KBTBD12: variants seen among roughly 807,000 people sequenced by gnomAD.
KBTBD12 encodes the protein kelch repeat and BTB domain containing 12.
Under a neutral mutation model 58.7 loss-of-function variants are expected in KBTBD12, and 53 were observed. That is an observed-to-expected ratio of 0.90 (90% confidence interval 0.72 to 1.14). KBTBD12 has a LOEUF of 1.14. Ranked by LOEUF, KBTBD12 falls within the 50% of genes most tolerant of loss-of-function variation. KBTBD12 has a pLI of 0.00. For synonymous variants in KBTBD12, 236 were observed against 259.8 expected, an observed-to-expected ratio of 0.91 and a Z score of 0.88; for missense variants, 704 against 751.3, an observed-to-expected ratio of 0.94 and a Z score of 0.74.
At chr3:127,936,633 G>A (rs1172509372) in intron 4 of KBTBD12, among the ~76,000 whole-genome samples, 2 of 152,088 alleles carry the variant, frequency 1.3e-5, no homozygotes, top group East Asian at 1.9e-4. Flanking sequence ...AAATGTGCAG[G>A]ACACCCAAAC....
intron 1 of KBTBD12, among the ~76,000 whole-genome samples, chr3:127,920,442 C>A (rs889221776): frequency 6.7e-6 from 1 of 148,192 alleles, no homozygotes; most frequent in Non-Finnish European, 1.5e-5. Context: ...ATACTACAAT[C>A]TGATCTCCTA....
intron 5 of KBTBD12, among the ~76,000 whole-genome samples, chr3:127,982,083 G>A (rs1940884076): frequency 6.6e-6 from 1 of 152,142 alleles, no homozygotes; most frequent in Non-Finnish European, 1.5e-5. Flanking sequence ...TGTCCTTCCA[G>A]GCTGGCCTCT....
intron 4 of KBTBD12, among the ~76,000 whole-genome samples, chr3:127,957,440 G>A (rs1441390783): frequency 6.6e-6 from 1 of 152,146 alleles, no homozygotes; most frequent in East Asian, 1.9e-4. Flanking sequence ...CCACTTCATA[G>A]AAGTACTAGT....
chr3:127,966,375 T>C (rs1457788698), intron 5 of KBTBD12, among the ~76,000 whole-genome samples: 5 of 152,064 alleles, frequency 3.3e-5, no homozygotes, highest in African/African-American at 1.2e-4. Flanking sequence ...TCTGAGGAAG[T>C]GCATAGATGA....
At chr3:127,933,419 G>A (rs547195151) in intron 4 of KBTBD12, among the ~76,000 whole-genome samples, 1 of 152,244 alleles carries the variant, frequency 6.6e-6, no homozygotes, top group East Asian at 1.9e-4. Flanking sequence ...GTTCTCCTAG[G>A]CTGAGATCTT....
chr3:127,935,832 A>C (rs1157301302), intron 4 of KBTBD12, among the ~76,000 whole-genome samples: 1 of 152,186 alleles, frequency 6.6e-6, no homozygotes, highest in Non-Finnish European at 1.5e-5. Flanking sequence ...TCTCTATAAG[A>C]GACACATTTT....
intron 5 of KBTBD12, among the ~76,000 whole-genome samples, chr3:127,974,536 G>A (rs976034852): frequency 1.3e-5 from 2 of 152,160 alleles, no homozygotes; most frequent in African/African-American, 2.4e-5. Flanking sequence ...TGTCCCTTAA[G>A]AGTGAGAAGC....
chr3:127,960,336 C>T (rs1940411074), intron 4 of KBTBD12, among the ~76,000 whole-genome samples: 1 of 152,122 alleles, frequency 6.6e-6, no homozygotes, highest in Non-Finnish European at 1.5e-5. Flanking sequence ...TCCCCCTTTC[C>T]ACTACGCACA....
chr3:127,980,649 C>T (rs1188757587), intron 5 of KBTBD12, among the ~76,000 whole-genome samples: 5 of 152,092 alleles, frequency 3.3e-5, no homozygotes, highest in Non-Finnish European at 5.9e-5. Context: ...TGTCTTTGAC[C>T]GGATTATAAT....
At chr3:127,933,447 C>T (rs975685311) in intron 4 of KBTBD12, among the ~76,000 whole-genome samples, 2 of 152,146 alleles carry the variant, frequency 1.3e-5, no homozygotes, top group African/African-American at 4.8e-5. Context: ...GTTGGTACAA[C>T]AGCCCACAAA....
chr3:127,978,166 A>G (rs1576397446), intron 5 of KBTBD12, among the ~76,000 whole-genome samples: 1 of 152,238 alleles, frequency 6.6e-6, no homozygotes, highest in Non-Finnish European at 1.5e-5. Flanking sequence ...TGAGCTCTCT[A>G]TTCTGTTCCA....
At chr3:127,938,491 G>A (rs1939874485) in intron 4 of KBTBD12, among the ~76,000 whole-genome samples, 1 of 152,038 alleles carries the variant, frequency 6.6e-6, no homozygotes, top group Admixed American at 6.6e-5. Context: ...CAGTGCAAAA[G>A]AATGCAATAA....
intron 5 of KBTBD12, among the ~76,000 whole-genome samples, chr3:127,968,725 A>G (rs1470650169): frequency 6.6e-6 from 1 of 152,182 alleles, no homozygotes; most frequent in Admixed American, 6.5e-5. Context: ...GCACACATTT[A>G]CCTATGTAAC....
intron 2 of KBTBD12, among the ~76,000 whole-genome samples, chr3:127,927,255 A>C (rs902073527): frequency 6.6e-6 from 1 of 152,170 alleles, no homozygotes; most frequent in Non-Finnish European, 1.5e-5. Flanking sequence ...GAACTACAAC[A>C]GTTCTTAAAA....
chr3:127,949,835 T>G (rs1271843642), intron 4 of KBTBD12, among the ~76,000 whole-genome samples: 1 of 152,224 alleles, frequency 6.6e-6, no homozygotes, highest in Non-Finnish European at 1.5e-5. Context: ...TGCGGCTGTG[T>G]AAGCCAGGTG....
intron 5 of KBTBD12, among the ~76,000 whole-genome samples, chr3:127,973,694 GCTAA>G (rs1175471043): frequency 3.3e-5 from 5 of 152,092 alleles, no homozygotes; most frequent in African/African-American, 1.2e-4. Context: ...AAGGCAAAAT[GCTAA>G]CTATTATTGA....
intron 3 of KBTBD12, among the ~76,000 whole-genome samples, chr3:127,929,875 T>G (rs1939661702): frequency 1.3e-5 from 2 of 151,976 alleles, no homozygotes; most frequent in Non-Finnish European, 2.9e-5. Context: ...AAAGCTGTAA[T>G]GAATGTCTCA....
chr3:127,952,123 T>C lies in KBTBD12; in HGVS notation c.1493-11066T>C, dbSNP rs111291591. Among the ~76,000 whole-genome samples, 121 of 152,356 alleles carry C rather than the reference T, an allele frequency of 7.9e-4. 1 individual carries two copies. The highest frequency in any genetic ancestry group is 2.8e-3 in the African/African-American group (118 of 41,590). On this transcript the variant is annotated intron_variant, in intron 4 of 5. Coordinates refer to ENST00000405109, the MANE Select transcript of KBTBD12 (RefSeq NM_207335.4). ...GAAAGAGTTCTTTGAAGGAAAATAA[T>C]ATTTTTTTGAAGAAGTACTAAATTC...
Position 127,923,115 on chromosome 3 carries a change from G to C in KBTBD12, c.54G>C (p.Leu18=), listed in dbSNP as rs760862111. Residue 18 remains leucine (L), a synonymous_variant, in exon 2 of 6, where the codon CTG becomes CTC. Transcript: ENST00000405109. Reference sequence around the variant, plus strand: ...AATACCAACATAGCTTGAATTTACTGAATAAAATTCAGAACATGAAAGAAT... The same window carrying C: ...AATACCAACATAGCTTGAATTTACTCAATAAAATTCAGAACATGAAAGAAT... ...KEKYQHSLNL[L]NKIQNMKELA... The C allele has an allele frequency of 7.4e-6, 12 of 1,612,058 alleles. No homozygotes were observed. Among genetic ancestry groups the C allele is most frequent in the Non-Finnish European group, 1.0e-5 (12 of 1,178,428 alleles).
Sources: gnomAD v4.1 joint callset for allele counts (sites outside exome capture counted in the v4.1 genomes callset) on GRCh38, gnomAD v4.1.1 for gene constraint, MANE v1.5 for transcripts, NCBI Gene and HGNC (gene_info 2026-07-23, HGNC 2026-07-21) for gene names.